STS: variants seen among roughly 807,000 people sequenced by gnomAD.
STS encodes the protein steryl-sulfatase.
Under a neutral mutation model 26.8 loss-of-function variants are expected in STS, and 7 were observed. The ratio of observed to expected loss-of-function variants is 0.26; its 90% CI spans 0.15 to 0.49. The LOEUF is 0.49. Ranked by LOEUF, STS falls within the 20% of genes least tolerant of loss-of-function variation. The pLI is 0.98. For synonymous variants in STS, 199 were observed against 189.4 expected (o/e 1.05, Z -0.42); for missense variants, 434 against 465.6 (o/e 0.93, Z 0.63).
At position 7,259,638 on chromosome X, in the gene STS, T is replaced by C. The variant is rs183778515; in HGVS notation, c.672T>C (p.Leu224=). The C allele has an allele frequency of 1.2e-5, 14 of 1,208,899 alleles. 1 individual carries two copies. The Admixed American group carries it at 3.1e-4, about 26-fold the overall frequency. Reference sequence around the variant, plus strand: ...TCCTAGCAGCCCTAATCCTGACCCTTTTCTTGGGCTTCCTTCATTACTTCC... The same window carrying C: ...TCCTAGCAGCCCTAATCCTGACCCTCTTCTTGGGCTTCCTTCATTACTTCC... ...LLFLAALILT[L]FLGFLHYFRP... The change falls in exon 6 of 11, where the codon CTT becomes CTC. Residue 224 remains leucine, a synonymous_variant. Coordinates refer to ENST00000674429, the MANE Select transcript of STS (RefSeq NM_001320752.2).
intron 2 of STS, among the ~76,000 whole-genome samples, chrX:7,204,927 A>T (rs1279094918): frequency 9.4e-6 from 1 of 105,861 alleles, no homozygotes; most frequent in Admixed American, 1.0e-4. Flanking sequence ...CTCCCTAATC[A>T]GTTACTTATG....
chrX:7,299,463 A>G (rs1925857473), intron 7 of STS, among the ~76,000 whole-genome samples: 1 of 104,385 alleles, frequency 9.6e-6, no homozygotes, highest in African/African-American at 3.4e-5. Context: ...AATATAAAAC[A>G]TATATACATA....
intron 2 of STS, among the ~76,000 whole-genome samples, chrX:7,247,039 GTGTGTGTGTGTA>G (rs1188415956): frequency 1.8e-5 from 2 of 111,628 alleles, no homozygotes; most frequent in Admixed American, 9.5e-5. Context: ...TAGCAAATAT[GTGTGTGTGTGTA>G]TGTGTGTGTG....
intron 10 of STS, among the ~76,000 whole-genome samples, chrX:7,343,891 C>A (rs1440853504): frequency 1.8e-5 from 2 of 112,150 alleles, no homozygotes; most frequent in African/African-American, 6.5e-5. Flanking sequence ...CTGGCACCAC[C>A]CCTTCTCCAT....
intron 10 of STS, among the ~76,000 whole-genome samples, chrX:7,344,114 C>G (rs1302049639): frequency 1.8e-5 from 2 of 112,236 alleles, no homozygotes; most frequent in African/African-American, 3.2e-5. Flanking sequence ...TAGCTTAGCT[C>G]TCAGAGGGTT....
rs369780542 is a variant in STS, at chrX:7,175,643, C to T, written c.-133-15237C>T. ...CAGCATATTGTTAGCCCTTAGTACA[C>T]GATAATGGCAGTGACCTTGTCTGTT... On this transcript the variant is annotated intron_variant, in intron 1 of 10. Coordinates refer to ENST00000674429, the MANE Select transcript of STS (RefSeq NM_001320752.2). Among the ~76,000 whole-genome samples the T allele has an allele frequency of 9.6e-4, 108 of 112,252 alleles. 2 individuals are homozygous for T. The South Asian group carries it at 0.039, about 41-fold the overall frequency.
intron 6 of STS, among the ~76,000 whole-genome samples, chrX:7,269,074 C>G (rs770986724): frequency 1.3e-4 from 13 of 103,816 alleles, no homozygotes; most frequent in Non-Finnish European, 2.4e-4. Flanking sequence ...TCTCTTAAGC[C>G]CCGGAGTTGT....
intron 10 of STS, among the ~76,000 whole-genome samples, chrX:7,344,366 A>G (rs1456652239): frequency 1.8e-5 from 2 of 111,419 alleles, no homozygotes; most frequent in Non-Finnish European, 3.8e-5. Flanking sequence ...AGTCTGCCCC[A>G]CTGCAGCTAT....
intron 2 of STS, among the ~76,000 whole-genome samples, chrX:7,205,168 A>G (rs1934183495): frequency 8.9e-6 from 1 of 112,481 alleles, no homozygotes; most frequent in Admixed American, 9.4e-5. Context: ...CCATGCTAGC[A>G]CAGGAAAGCT....
intron 8 of STS, among the ~76,000 whole-genome samples, chrX:7,306,729 G>A (rs1208545889): frequency 3.6e-5 from 4 of 111,803 alleles, no homozygotes; most frequent in Non-Finnish European, 7.5e-5. Context: ...AAGGAGACAC[G>A]GCTAGAAAGG....
At chrX:7,199,991 T>C (rs1934039725) in intron 2 of STS, among the ~76,000 whole-genome samples, 1 of 110,190 alleles carries the variant, frequency 9.1e-6, no homozygotes, top group Admixed American at 9.7e-5. Flanking sequence ...TAATGATAAC[T>C]CAAACTCATT....
At chrX:7,326,781 G>A (rs1436865484) in intron 9 of STS, among the ~76,000 whole-genome samples, 1 of 111,710 alleles carries the variant, frequency 9.0e-6, no homozygotes, top group Non-Finnish European at 1.9e-5. Context: ...GAAGGAAGAG[G>A]AAAGGGGAAA....
intron 1 of STS, among the ~76,000 whole-genome samples, chrX:7,175,306 C>G (rs1242242673): frequency 3.7e-5 from 4 of 109,443 alleles, no homozygotes; most frequent in Non-Finnish European, 3.8e-5. Context: ...GGAAATGTGG[C>G]GAAACCCTGG....
intron 2 of STS, among the ~76,000 whole-genome samples, chrX:7,208,092 C>T (rs963899459): frequency 2.7e-5 from 3 of 112,318 alleles, no homozygotes; most frequent in African/African-American, 3.2e-5. Flanking sequence ...GCTTCACATA[C>T]GGTGATACAA....
At chrX:7,151,542 C>T (rs759516761) in intron 1 of STS, among the ~76,000 whole-genome samples, 30 of 112,210 alleles carry the variant, frequency 2.7e-4, no homozygotes, top group Admixed American at 2.5e-3. Context: ...CACCCCTTCC[C>T]GCTGCTGCTT....
intron 7 of STS, among the ~76,000 whole-genome samples, chrX:7,299,772 G>A (rs182478936): frequency 6.3e-5 from 7 of 111,042 alleles, no homozygotes; most frequent in African/African-American, 2.3e-4. Flanking sequence ...TTCTTCCACA[G>A]CAACCCCCTA....
rs756927504 is a variant in STS at position 7,350,015 on chromosome X, C to G, written c.1491C>G (p.Leu497=). 5.1e-5 allele frequency: 62 copies of G among 1,211,880 alleles called. No individual in the cohort carries two copies. The highest frequency in any genetic ancestry group is 6.8e-5 in the Non-Finnish European group (61 of 895,487). ...TCACCCATCACGACCCACCTTTACT[C>G]TTTGATATTTCCAAAGATCCCAGAG... is the stretch of plus-strand genomic sequence containing the variant. ...SYVTHHDPPL[L]FDISKDPRER... is the part of the protein sequence containing the mutation. The change falls in exon 11 of 11, where the codon CTC becomes CTG. Residue 497 remains leucine (L), a synonymous_variant. Transcript: ENST00000674429.
At chrX:7,230,044 AATTTATTT>A (rs1307261935) in intron 2 of STS, among the ~76,000 whole-genome samples, 1 of 109,156 alleles carries the variant, frequency 9.2e-6, no homozygotes, top group Non-Finnish European at 1.9e-5. Flanking sequence ...ATGCCTGGCT[AATTTATTT>A]ATTTATTTAT....
At chrX:7,236,326 A>G (rs1922308096) in intron 2 of STS, among the ~76,000 whole-genome samples, 1 of 112,240 alleles carries the variant, frequency 8.9e-6, no homozygotes, top group Non-Finnish European at 1.9e-5. Context: ...AGATGATAAC[A>G]GTCCTTTCCC....
Sources: allele counts gnomAD v4.1 joint callset (sites outside exome capture counted in the v4.1 genomes callset), GRCh38; gene constraint gnomAD v4.1.1; transcripts MANE v1.5; gene names NCBI Gene and HGNC (gene_info 2026-07-23, HGNC 2026-07-21).